The following EPM2A variants were observed in gnomAD, a reference collection of about 807,000 sequenced individuals.
The protein encoded by EPM2A is laforin.
Under a neutral mutation model 26.5 loss-of-function variants are expected in EPM2A, and 21 were observed. That is an observed-to-expected ratio of 0.79 (90% CI 0.56 to 1.14). The LOEUF is 1.14. Ranked by LOEUF, EPM2A falls within the 50% of genes most tolerant of loss-of-function variation. The probability of loss-of-function intolerance (pLI) is 0.00; values close to 1 mark genes in which losing one functional copy is unlikely to be tolerated. For missense variants in EPM2A, 458 were observed against 440.8 expected (o/e 1.04, Z -0.35); for synonymous variants, 217 against 177.6 (o/e 1.22, Z -1.76).
intron 2 of EPM2A, among the ~76,000 whole-genome samples, chr6:145,502,979 A>C (rs1442402786): frequency 1.3e-5 from 2 of 152,202 alleles, no homozygotes; most frequent in Non-Finnish European, 2.9e-5. Flanking sequence ...ATGAAAGGAC[A>C]ATTAATTTTT....
intron 2 of EPM2A, among the ~76,000 whole-genome samples, chr6:145,503,853 G>A (rs1779931719): frequency 6.6e-5 from 1 of 15,044 alleles, no homozygotes; most frequent in African/African-American, 2.5e-4. Context: ...ATACTACAAG[G>A]CTACAGTAAC....
At chr6:145,609,670 G>A (rs148706576) in intron 2 of EPM2A, among the ~76,000 whole-genome samples, 3 of 152,236 alleles carry the variant, frequency 2.0e-5, no homozygotes, top group African/African-American at 7.2e-5. Flanking sequence ...GCTACAGAAG[G>A]GTTACAGCTT....
At chr6:145,512,428 C>A (rs1326253964) in intron 2 of EPM2A, among the ~76,000 whole-genome samples, 1 of 151,838 alleles carries the variant, frequency 6.6e-6, no homozygotes, top group African/African-American at 2.4e-5. Context: ...AGAATACAGA[C>A]CCCAGGCCGG....
chr6:145,619,192 G>C (rs1481175142), intron 2 of EPM2A, among the ~76,000 whole-genome samples: 1 of 152,100 alleles, frequency 6.6e-6, no homozygotes, highest in Admixed American at 6.6e-5. Context: ...TTGAGTTTGG[G>C]AGATATTCTG....
intron 4 of EPM2A, among the ~76,000 whole-genome samples, chr6:145,496,048 C>T (rs447992): frequency 0.36 from 54,436 of 151,984 alleles, 10,304 homozygotes; most frequent in South Asian, 0.51. Context: ...CTTATTTCTT[C>T]TTTACTTTTG....
At chr6:145,542,823 A>G (rs573001492) in intron 2 of EPM2A, among the ~76,000 whole-genome samples, 5 of 152,170 alleles carry the variant, frequency 3.3e-5, no homozygotes, top group African/African-American at 1.2e-4. Context: ...CAATGGTGCA[A>G]TCTCGGCTCA....
At chr6:145,421,821 G>T (rs1185457143) in intron 4 of EPM2A, among the ~76,000 whole-genome samples, 1 of 151,130 alleles carries the variant, frequency 6.6e-6, no homozygotes, top group Non-Finnish European at 1.5e-5. Flanking sequence ...TCAAACTACA[G>T]CTGAAAAATA....
chr6:145,613,624 G>C (rs1775441507), intron 2 of EPM2A, among the ~76,000 whole-genome samples: 1 of 152,102 alleles, frequency 6.6e-6, no homozygotes, highest in Non-Finnish European at 1.5e-5. Context: ...TGTCGTGTTG[G>C]CAGGCATAAA....
At chr6:145,452,489 C>CAAAAAAA (rs563777945) in intron 4 of EPM2A, among the ~76,000 whole-genome samples, 46 of 75,858 alleles carry the variant, frequency 6.1e-4, no homozygotes, top group African/African-American at 1.9e-3. Flanking sequence ...ACTAAAAATA[C>CAAAAAAA]AAAAAAAAAA....
intron 2 of EPM2A, among the ~76,000 whole-genome samples, chr6:145,587,197 T>TA (rs1781206581): frequency 6.6e-6 from 1 of 152,164 alleles, no homozygotes; most frequent in Non-Finnish European, 1.5e-5. Context: ...TAACAGAACA[T>TA]AAAAACAGGC....
intron 4 of EPM2A, chr6:145,489,928 A>G: frequency 4.4e-6 from 6 of 1,358,804 alleles, no homozygotes; most frequent in Non-Finnish European, 6.3e-6. Flanking sequence ...ACCCACTTCT[A>G]GATAACTTAT....
At chr6:145,469,679 A>C (rs2114724123) in intron 4 of EPM2A, among the ~76,000 whole-genome samples, 2 of 152,314 alleles carry the variant, frequency 1.3e-5, no homozygotes, top group African/African-American at 2.4e-5. Context: ...GTATATACCC[A>C]AAAGAAAGCA....
intron 4 of EPM2A, among the ~76,000 whole-genome samples, chr6:145,466,593 C>T (rs1779397195): frequency 6.6e-6 from 1 of 151,980 alleles, no homozygotes; most frequent in Admixed American, 6.6e-5. Context: ...GGCGATTCCT[C>T]ACGGATCTAG....
intron 4 of EPM2A, among the ~76,000 whole-genome samples, chr6:145,485,837 C>T (rs550251116): frequency 2.0e-5 from 3 of 152,274 alleles, no homozygotes; most frequent in South Asian, 2.1e-4. Flanking sequence ...GCACGTCTCA[C>T]GTGGCGGCAG....
At chr6:145,478,931 A>G (rs888199809) in intron 4 of EPM2A, among the ~76,000 whole-genome samples, 13 of 151,628 alleles carry the variant, frequency 8.6e-5, no homozygotes, top group African/African-American at 2.9e-4. Flanking sequence ...TGTATGTTAT[A>G]CTATGTGCTT....
upstream of EPM2A, chr6:145,735,614 G>C: frequency 9.2e-7 from 1 of 1,081,732 alleles, no homozygotes; most frequent in Non-Finnish European, 1.1e-6. Flanking sequence ...CGGGCACCGG[G>C]GAGAACACGT....
At chr6:145,591,093 T>C (rs1036089268) in intron 2 of EPM2A, among the ~76,000 whole-genome samples, 1 of 151,968 alleles carries the variant, frequency 6.6e-6, no homozygotes, top group Non-Finnish European at 1.5e-5. Flanking sequence ...AAATGAAGAA[T>C]GTTTTTGGTG....
intron 4 of EPM2A, among the ~76,000 whole-genome samples, chr6:145,398,175 A>G (rs1778431744): frequency 6.6e-6 from 1 of 152,166 alleles, no homozygotes; most frequent in African/African-American, 2.4e-5. Flanking sequence ...TAGATAATTA[A>G]AATACTTATG....
chr6:145,694,446 T>C (rs978582151), intron 1 of EPM2A, among the ~76,000 whole-genome samples: 2 of 152,018 alleles, frequency 1.3e-5, no homozygotes, highest in Non-Finnish European at 2.9e-5. Context: ...ATGAATCCTG[T>C]TCCAGTTGAG....
Sources: gnomAD v4.1 joint callset for allele counts (sites outside exome capture counted in the v4.1 genomes callset) on GRCh38, gnomAD v4.1.1 for gene constraint, MANE v1.5 for transcripts, NCBI Gene and HGNC (gene_info 2026-07-23, HGNC 2026-07-21) for gene names.